Variants in BUB1B observed in about 807,000 individuals in gnomAD.
BUB1B encodes the protein BUB1 mitotic checkpoint serine/threonine kinase B.
In BUB1B, 86 loss-of-function variants were observed where a neutral mutation model predicts 137.7. The observed-to-expected ratio is 0.62, with a 90% CI of 0.52 to 0.75. The LOEUF (loss-of-function observed/expected upper bound fraction) is 0.75. Among genes scored for constraint, BUB1B ranks in the 30% least tolerant of loss-of-function variants. BUB1B has a pLI of 0.00. For synonymous variants in BUB1B, 420 were observed against 417.9 expected, an observed-to-expected ratio of 1.00 and a Z score of -0.06; for missense variants, 1,130 against 1,236.9, an observed-to-expected ratio of 0.91 and a Z score of 1.30.
Position 40,206,344 on chromosome 15 carries a change from C to T in BUB1B, c.1895C>T (p.Pro632Leu), listed in dbSNP as rs376072541. 1.9e-6 allele frequency: 3 copies of T among 1,614,164 alleles called. No homozygotes were observed. Among genetic ancestry groups the T allele is most frequent in the African/African-American group, 2.7e-5 (2 of 75,036 alleles). The part of the protein sequence containing the change: ...FHEIMSLKDL[P>L]SDPERLLPEE... ...GAGATAATGTCCTTGAAGGATCTCC[C>T]TTCTGATCCTGAGAGACTGTTACCG... Residue 632 changes from proline to leucine, a missense_variant, in exon 15 of 23, where the codon CCT (proline) becomes CTT (leucine). Pro to Leu is a moderately conservative substitution (Grantham distance 98). Coordinates refer to ENST00000287598, the MANE Select transcript of BUB1B (RefSeq NM_001211.6).
intron 9 of BUB1B, among the ~76,000 whole-genome samples, chr15:40,198,148 C>G (rs1178325180): frequency 6.6e-6 from 1 of 151,346 alleles, no homozygotes; most frequent in East Asian, 1.9e-4. Flanking sequence ...TTCAACTAGC[C>G]AAAGAAGGAC....
At chr15:40,201,053 T>C in intron 12 of BUB1B, 73 bp downstream of exon 12, 1 of 1,416,588 alleles carries the variant, frequency 7.1e-7, no homozygotes, top group East Asian at 2.3e-5. Context: ...GGTAAATATT[T>C]TTAATTATGA....
chr15:40,178,934 A>G (rs1237406100), intron 5 of BUB1B, among the ~76,000 whole-genome samples: 1 of 152,004 alleles, frequency 6.6e-6, no homozygotes, highest in African/African-American at 2.4e-5. Context: ...AGAGTTGTAT[A>G]ATCATCATTA....
Position 40,221,008 on chromosome 15 carries a change from T to G in BUB1B, c.*249T>G. 1.9e-6 allele frequency: 1 copy of G among 522,944 alleles called. No individual in the cohort carries two copies. The highest frequency in any genetic ancestry group is 3.4e-6 in the Non-Finnish European group (1 of 291,636). The allele number at this position is 522,944 out of a possible 1,614,324, so 32.4% of individuals were successfully genotyped here. A position where few individuals can be genotyped will look rare whatever the true frequency, so the allele number is the denominator to read the frequency against. ...AACAGACTCATTACAAATGGTTACCTTGTTATTTAACCCATTTGTCTCTAC... is the reference window on the plus strand; with the variant it reads ...AACAGACTCATTACAAATGGTTACCGTGTTATTTAACCCATTTGTCTCTAC... On this transcript the variant is annotated 3_prime_UTR_variant, in exon 23 of 23. Transcript: ENST00000287598.
intron 1 of BUB1B, among the ~76,000 whole-genome samples, chr15:40,164,763 A>G (rs978282063): frequency 1.3e-5 from 2 of 151,864 alleles, no homozygotes; most frequent in Non-Finnish European, 2.9e-5. Context: ...CGGCCTCACA[A>G]AGTGGTGGGA....
chr15:40,190,239 A>T (rs538718607), intron 8 of BUB1B, among the ~76,000 whole-genome samples: 14 of 152,322 alleles, frequency 9.2e-5, no homozygotes, highest in Admixed American at 6.5e-4. Context: ...TCACTGATAG[A>T]AGATTCATTC....
chr15:40,202,323 A>G (rs2037581343), intron 12 of BUB1B, 82 bp from the exon 13 acceptor site: 1 of 1,257,726 alleles, frequency 8.0e-7, no homozygotes. Context: ...CAAACAACAC[A>G]AAATATTGAT....
intron 22 of BUB1B, among the ~76,000 whole-genome samples, chr15:40,220,188 T>C (rs1049913992): frequency 2.0e-5 from 3 of 152,230 alleles, no homozygotes; most frequent in African/African-American, 7.2e-5. Context: ...GAAGATCCAC[T>C]ACTGGGGTAG....
rs747327884 is a variant in BUB1B, at chr15:40,185,304, A to AC, written c.897dup (p.Met300HisfsTer8). 6.2e-7 allele frequency: 1 copy of AC among 1,614,086 alleles called. No individual in the cohort carries two copies. The highest frequency in any genetic ancestry group is 8.5e-7 in the Non-Finnish European group (1 of 1,180,012). The stretch of plus-strand genomic sequence containing the variant: ...AGCCTACAGTCCAGCCATGGATAGC[A>AC]CCCCCCATGCCCAGGGCCAAAGAGA... On this transcript the variant is annotated frameshift_variant, in exon 7 of 23. Transcript: ENST00000287598. LOFTEE classifies it high-confidence loss of function.
At chr15:40,193,107 C>T (rs868822472) in intron 8 of BUB1B, among the ~76,000 whole-genome samples, 3 of 152,156 alleles carry the variant, frequency 2.0e-5, no homozygotes, top group African/African-American at 7.2e-5. Context: ...GCGTCAGCCT[C>T]CCAGAGCACT....
chr15:40,200,810 C>A, intron 11 of BUB1B, 121 bp from the exon 12 acceptor site: 1 of 787,904 alleles, frequency 1.3e-6, no homozygotes, highest in Non-Finnish European at 2.1e-6. Flanking sequence ...TTTGAATTGA[C>A]AGTAATAATT....
rs528426424 is a variant in BUB1B, at chr15:40,197,866, G to A, written c.1288+1092G>A. 7.2e-5 allele frequency among the ~76,000 whole-genome samples: 11 copies of A among 152,310 alleles called. 1 individual carries two copies. The highest frequency in any genetic ancestry group is 2.6e-4 in the African/African-American group (11 of 41,572). On this transcript the variant is annotated intron_variant, in intron 9 of 22. Coordinates refer to ENST00000287598, the MANE Select transcript of BUB1B (RefSeq NM_001211.6). ...GTTGCAAAGCAAGGTGTTGAGTAAG[G>A]CTTTTAAAAAAGGAGAACCACTCCA... is the stretch of plus-strand genomic sequence containing the variant.
At chr15:40,210,084 T>A in intron 17 of BUB1B, 26 bp from the exon 18 acceptor site, 1 of 1,553,898 alleles carries the variant, frequency 6.4e-7, no homozygotes, top group Non-Finnish European at 8.9e-7. Context: ...CAGTGATTTT[T>A]AAATGGAATC....
At chr15:40,184,061 G>A (rs569146658) in intron 6 of BUB1B, among the ~76,000 whole-genome samples, 178 bp downstream of exon 6, 4 of 152,176 alleles carry the variant, frequency 2.6e-5, no homozygotes, top group African/African-American at 9.7e-5. Context: ...AAATGCATCA[G>A]TAATTTTGTG....
In BUB1B at chr15:40,164,147, C is replaced by G. The variant is rs181189048; in HGVS notation, c.36-906C>G. 1.5e-4 allele frequency among the ~76,000 whole-genome samples: 23 copies of G among 152,246 alleles called. No individual in the cohort carries two copies. In the East Asian group the frequency reaches 4.2e-3, roughly 28 times the overall value. On this transcript the variant is annotated intron_variant, in intron 1 of 22. Transcript: ENST00000287598. Reference sequence around the variant, plus strand: ...AGTAAACTGTGTTTGTTTGCTTCTGCTTTTAGCTACTTATATGTACAAACT... The same window carrying G: ...AGTAAACTGTGTTTGTTTGCTTCTGGTTTTAGCTACTTATATGTACAAACT...
chr15:40,197,929 C>G (rs1026709733), intron 9 of BUB1B, among the ~76,000 whole-genome samples: 3 of 152,000 alleles, frequency 2.0e-5, no homozygotes, highest in Admixed American at 6.6e-5. Flanking sequence ...AAATATGAAC[C>G]AGAAAAGGAA....
At chr15:40,188,209 G>A (rs755922937) in intron 8 of BUB1B, among the ~76,000 whole-genome samples, 11 of 151,916 alleles carry the variant, frequency 7.2e-5, no homozygotes, top group Non-Finnish European at 1.3e-4. Flanking sequence ...CACCACGCCC[G>A]GCTGATTTTT....
intron 16 of BUB1B, among the ~76,000 whole-genome samples, 153 bp downstream of exon 16, chr15:40,208,923 T>C (rs2037673460): frequency 6.6e-6 from 1 of 152,154 alleles, no homozygotes; most frequent in Non-Finnish European, 1.5e-5. Flanking sequence ...GCTCAGGTGA[T>C]CCTCCTACCT....
At chr15:40,218,779 A>T (rs925135738) in intron 22 of BUB1B, among the ~76,000 whole-genome samples, 1 of 152,260 alleles carries the variant, frequency 6.6e-6, no homozygotes, top group Admixed American at 6.5e-5. Flanking sequence ...ACTTCAGGAC[A>T]TCATTCTGAA....
Sources: gnomAD v4.1 joint callset for allele counts (sites outside exome capture counted in the v4.1 genomes callset) on GRCh38, gnomAD v4.1.1 for gene constraint, MANE v1.5 for transcripts, NCBI Gene and HGNC (gene_info 2026-07-23, HGNC 2026-07-21) for gene names.